The following ABLIM2 variants were observed in gnomAD, a reference collection of about 807,000 sequenced individuals.
The protein encoded by ABLIM2 is actin-binding LIM protein 2.
In ABLIM2, 53 loss-of-function variants were observed where a neutral mutation model predicts 97.7. The ratio of observed to expected loss-of-function variants is 0.54; its 90% confidence interval spans 0.44 to 0.68. The LOEUF is 0.68. Ranked by LOEUF, ABLIM2 falls within the 30% of genes least tolerant of loss-of-function variation. The pLI is 0.00. For synonymous variants in ABLIM2, 361 were observed against 345.8 expected, an observed-to-expected ratio of 1.04 and a Z score of -0.49; for missense variants, 835 against 867.2, an observed-to-expected ratio of 0.96 and a Z score of 0.47.
chr4:8,154,788 C>G (rs541959505), intron 1 of ABLIM2, among the ~76,000 whole-genome samples: 8 of 152,314 alleles, frequency 5.3e-5, no homozygotes, highest in African/African-American at 1.4e-4. Context: ...TTAGTCTGTT[C>G]TCATGCTGCC....
Position 8,145,881 on chromosome 4 carries a change from G to C in ABLIM2, c.10+12799C>G, listed in dbSNP as rs888939329. On this transcript the variant is annotated intron_variant, in intron 1 of 20. Coordinates refer to ENST00000447017, the MANE Select transcript of ABLIM2 (RefSeq NM_001130083.2). ...CTCAAAATAGAGTATCTCAGAGCAA[G>C]AGGACCTGGCCAGCCGCCGGGGAGG... Among the ~76,000 whole-genome samples the C allele has an allele frequency of 5.9e-5, 9 of 152,062 alleles. No individual in the cohort carries two copies. In the East Asian group the frequency reaches 1.7e-3, roughly 29 times the overall value.
intron 1 of ABLIM2, among the ~76,000 whole-genome samples, chr4:8,111,818 C>G (rs1156376433): frequency 6.7e-6 from 1 of 150,256 alleles, no homozygotes; most frequent in African/African-American, 2.5e-5. Flanking sequence ...CCCAGCTACT[C>G]GAGAGGCTGA....
rs550171979 is a variant in ABLIM2, at chr4:8,078,078, G to A, written c.582-357C>T. Among the ~76,000 whole-genome samples, 5 of 152,300 alleles carry A rather than the reference G, an allele frequency of 3.3e-5. No homozygotes were observed. In the East Asian group the frequency reaches 5.8e-4, roughly 18 times the overall value. ...CCATCCAAAGTTCAACATCTGGGGT[G>A]CCTTAGAAAACTGTGAGCCAAAGAG... On this transcript the variant is annotated intron_variant, in intron 5 of 20. Transcript: ENST00000447017.
In ABLIM2 at chr4:8,068,494, C is replaced by T. The variant is rs1410397348; in HGVS notation, c.676-7440G>A. On this transcript the variant is annotated intron_variant, in intron 6 of 20. Transcript: ENST00000447017. This position sits in a 1 kb window ranked among gnomAD's most constrained non-coding sequence, Gnocchi z 4.5. ...AGGTGTGGCAAAGCTGTCCCGCCTC[C>T]AGAAACCCCTCCTGTCCCAGCAGAG... Among the ~76,000 whole-genome samples the T allele has an allele frequency of 1.3e-5, 2 of 152,190 alleles. No individual in the cohort carries two copies. Among genetic ancestry groups the T allele is most frequent in the African/African-American group, 4.8e-5 (2 of 41,464 alleles).
At position 8,128,911 on chromosome 4, in the gene ABLIM2, T is replaced by C. The variant is rs1848933324; in HGVS notation, c.11-22274A>G. Among the ~76,000 whole-genome samples, 1 of 152,176 alleles carries C rather than the reference T, an allele frequency of 6.6e-6. No homozygotes were observed. The highest frequency in any genetic ancestry group is 1.5e-5 in the Non-Finnish European group (1 of 68,028). ...ACCCAGAGCCCGACCATGCTGGCACTCTGATCTTGGACTTCCAGCCTCCAG... is the reference window on the plus strand; with the variant it reads ...ACCCAGAGCCCGACCATGCTGGCACCCTGATCTTGGACTTCCAGCCTCCAG... On this transcript the variant is annotated intron_variant, in intron 1 of 20. Coordinates refer to ENST00000447017, the MANE Select transcript of ABLIM2 (RefSeq NM_001130083.2). The surrounding 1 kb of genome is among the most constrained non-coding windows in gnomAD (Gnocchi z 4.9).
At chr4:8,042,451 G>A (rs1393278159) in intron 9 of ABLIM2, among the ~76,000 whole-genome samples, 2 of 152,158 alleles carry the variant, frequency 1.3e-5, no homozygotes, top group Non-Finnish European at 2.9e-5. Context: ...CTGAGCAGAC[G>A]GCCCTGCTGT....
chr4:8,089,495 G>A (rs1184905450), intron 3 of ABLIM2, among the ~76,000 whole-genome samples: 1 of 152,160 alleles, frequency 6.6e-6, no homozygotes. Context: ...AGCACTTTGG[G>A]AGGCTGAGGT....
At chr4:8,152,270 G>A (rs776050461) in intron 1 of ABLIM2, among the ~76,000 whole-genome samples, 3 of 152,240 alleles carry the variant, frequency 2.0e-5, no homozygotes, top group Non-Finnish European at 2.9e-5. Context: ...CCAGGGATAC[G>A]CGTGTTGCGG....
At position 8,122,687 on chromosome 4, in the gene ABLIM2, C is replaced by T. The variant is rs887430448; in HGVS notation, c.11-16050G>A. Among the ~76,000 whole-genome samples, 1 of 152,198 alleles carries T rather than the reference C, an allele frequency of 6.6e-6. No homozygotes were observed. The highest frequency in any genetic ancestry group is 1.5e-5 in the Non-Finnish European group (1 of 68,028). On this transcript the variant is annotated intron_variant, in intron 1 of 20. Transcript: ENST00000447017. This position sits in a 1 kb window ranked among gnomAD's most constrained non-coding sequence, Gnocchi z 4.1. Reference sequence around the variant, plus strand: ...TGAACATTCACTTCTTAACACCATCCACTGTCAGACCCTACATGGTACTTG... The same window carrying T: ...TGAACATTCACTTCTTAACACCATCTACTGTCAGACCCTACATGGTACTTG...
chr4:8,121,617 C>T (rs974913282), intron 1 of ABLIM2, among the ~76,000 whole-genome samples: 1 of 152,176 alleles, frequency 6.6e-6, no homozygotes, highest in East Asian at 1.9e-4. Flanking sequence ...CTCGGGTCTG[C>T]AGGCTCCCAG....
At chr4:8,101,574 C>T (rs1181240293) in intron 2 of ABLIM2, among the ~76,000 whole-genome samples, 2 of 152,210 alleles carry the variant, frequency 1.3e-5, no homozygotes, top group Non-Finnish European at 2.9e-5. Flanking sequence ...GACAACTCCA[C>T]CTGCCTTACA....
intron 1 of ABLIM2, among the ~76,000 whole-genome samples, chr4:8,156,520 G>GGTCATCCTGGAGGTGCCCTGT (rs1244310882): frequency 1.3e-5 from 2 of 152,356 alleles, no homozygotes; most frequent in South Asian, 2.1e-4. Flanking sequence ...TCCACACCTG[G>GGTCATCCTGGAGGTGCCCTGT]GTCATCCTGG....
At chr4:8,053,451 T>G (rs1374300188) in intron 8 of ABLIM2, among the ~76,000 whole-genome samples, 1 of 152,184 alleles carries the variant, frequency 6.6e-6, no homozygotes, top group East Asian at 1.9e-4. Flanking sequence ...ACATCCTTAA[T>G]CTTGGCAAAA....
chr4:8,105,621 G>A (rs895516531), intron 2 of ABLIM2, among the ~76,000 whole-genome samples: 2 of 152,244 alleles, frequency 1.3e-5, no homozygotes, highest in Admixed American at 6.5e-5. Context: ...ATGGTTAAGC[G>A]AGTGTGAATC....
rs1845066298 is a variant in ABLIM2 at position 8,120,797 on chromosome 4, A to G, written c.11-14160T>C. On this transcript the variant is annotated intron_variant, in intron 1 of 20. Transcript: ENST00000447017. The surrounding 1 kb of genome is among the most constrained non-coding windows in gnomAD (Gnocchi z 5.6). ...CCTAACCTAGCGACCATCACAGCTC[A>G]GCCCAGCCTACCGGAAACATGCTCA... Among the ~76,000 whole-genome samples, 1 of 152,212 alleles carries G rather than the reference A, an allele frequency of 6.6e-6. No homozygotes were observed. Among genetic ancestry groups the G allele is most frequent in the Non-Finnish European group, 1.5e-5 (1 of 68,034 alleles).
chr4:8,112,088 G>A lies in ABLIM2; in HGVS notation c.11-5451C>T, dbSNP rs1397074167. On this transcript the variant is annotated intron_variant, in intron 1 of 20. Transcript: ENST00000447017. The surrounding 1 kb of genome is among the most constrained non-coding windows in gnomAD (Gnocchi z 4.2). The stretch of plus-strand genomic sequence containing the variant: ...CAAGTGCTAAGAATCTATCACACAG[G>A]GGCTGAGAGTATTTAATCCCTCATG... 6.6e-6 allele frequency among the ~76,000 whole-genome samples: 1 copy of A among 152,140 alleles called. No homozygotes were observed. Among genetic ancestry groups the A allele is most frequent in the Non-Finnish European group, 1.5e-5 (1 of 68,042 alleles).
chr4:8,070,730 A>G (rs974602398), intron 6 of ABLIM2, among the ~76,000 whole-genome samples: 2 of 152,124 alleles, frequency 1.3e-5, no homozygotes, highest in Non-Finnish European at 2.9e-5. Flanking sequence ...TGGAACACAC[A>G]GTGAGGCCAG....
chr4:8,009,521 C>T (rs996286664), intron 14 of ABLIM2, among the ~76,000 whole-genome samples: 7 of 152,108 alleles, frequency 4.6e-5, no homozygotes, highest in African/African-American at 1.7e-4. Flanking sequence ...CTCAGCCACC[C>T]GGTAGCTGGG....
At chr4:8,089,757 C>A (rs1826141710) in intron 3 of ABLIM2, among the ~76,000 whole-genome samples, 1 of 138,722 alleles carries the variant, frequency 7.2e-6, no homozygotes, top group African/African-American at 2.6e-5. Context: ...AAAAAAAAAG[C>A]CCCTGCTCAA....
Sources: allele counts gnomAD v4.1 joint callset (sites outside exome capture counted in the v4.1 genomes callset), GRCh38; gene constraint gnomAD v4.1.1; non-coding constraint Gnocchi (gnomAD v3.1); transcripts MANE v1.5; gene names NCBI Gene and HGNC (gene_info 2026-07-23, HGNC 2026-07-21).